The following AGPS variants were observed in gnomAD, a reference collection of about 807,000 sequenced individuals.
AGPS encodes the protein alkyldihydroxyacetonephosphate synthase, peroxisomal.
AGPS carries 26 observed loss-of-function variants against 90.7 expected under a neutral mutation model. The observed-to-expected ratio is 0.29, with a 90% CI of 0.21 to 0.40. The LOEUF is 0.40. Among genes scored for constraint, AGPS ranks in the 10% least tolerant of loss-of-function variants. The pLI is 1.00. For synonymous variants in AGPS, 294 were observed against 285.3 expected, an observed-to-expected ratio of 1.03 and a Z score of -0.31; for missense variants, 540 against 816.1, an observed-to-expected ratio of 0.66 and a Z score of 4.12.
chr2:177,520,884 T>C (rs1559082553), intron 17 of AGPS, among the ~76,000 whole-genome samples: 1 of 152,206 alleles, frequency 6.6e-6, no homozygotes, highest in African/African-American at 2.4e-5. Context: ...TACTTCTAGA[T>C]AACAAAACAA....
intron 11 of AGPS, among the ~76,000 whole-genome samples, chr2:177,492,222 T>C (rs1688283207): frequency 6.6e-6 from 1 of 152,230 alleles, no homozygotes; most frequent in South Asian, 2.1e-4. Context: ...TTAAAATGTT[T>C]TTGTTATGAA....
At chr2:177,493,058 T>A in intron 11 of AGPS, 90 bp from the exon 12 acceptor site, 1 of 1,222,586 alleles carries the variant, frequency 8.2e-7, no homozygotes, top group Non-Finnish European at 1.2e-6. Context: ...TCTTGATCTC[T>A]TAAATATAGA....
At chr2:177,407,737 G>A (rs1206353176) in intron 1 of AGPS, among the ~76,000 whole-genome samples, 2 of 151,208 alleles carry the variant, frequency 1.3e-5, no homozygotes, top group Non-Finnish European at 2.9e-5. Context: ...AGCACAGCAA[G>A]AAGTAGGAGG....
chr2:177,528,764 G>A (rs2079111402), intron 19 of AGPS, among the ~76,000 whole-genome samples: 1 of 151,670 alleles, frequency 6.6e-6, no homozygotes. Context: ...TTAAATGAGT[G>A]GATAAGTGCA....
rs138474699 is a variant in AGPS at position 177,429,002 on chromosome 2, T to A, written c.351-5325T>A. ...TACATAGTCCCACATTTCTCAGAGG[T>A]TTTGTTCATTTCTTTTCATTCTTTT... On this transcript the variant is annotated intron_variant, in intron 2 of 19. Coordinates refer to ENST00000264167, the MANE Select transcript of AGPS (RefSeq NM_003659.4). Among the ~76,000 whole-genome samples, 37 of 151,724 alleles carry A rather than the reference T, an allele frequency of 2.4e-4. 2 individuals are homozygous for A. The East Asian group carries it at 7.0e-3, about 29-fold the overall frequency.
chr2:177,513,695 C>T (rs1688946667), intron 16 of AGPS, 124 bp from the exon 17 acceptor site: 3 of 710,912 alleles, frequency 4.2e-6, no homozygotes, highest in Non-Finnish European at 7.3e-6. Flanking sequence ...CTTGAAAGGA[C>T]AACTATGAAA....
chr2:177,473,830 G>C (rs1303755632), intron 10 of AGPS, among the ~76,000 whole-genome samples: 1 of 152,196 alleles, frequency 6.6e-6, no homozygotes, highest in East Asian at 1.9e-4. Flanking sequence ...AGAATTCCTA[G>C]CTGGCTTGTT....
intron 16 of AGPS, among the ~76,000 whole-genome samples, chr2:177,508,292 T>C (rs1378411444): frequency 1.3e-5 from 2 of 152,194 alleles, no homozygotes; most frequent in Non-Finnish European, 2.9e-5. Context: ...AAGAATGTTA[T>C]TGAATGCTCA....
intron 11 of AGPS, among the ~76,000 whole-genome samples, chr2:177,491,022 A>G (rs1360285254): frequency 6.6e-6 from 1 of 151,546 alleles, no homozygotes; most frequent in Non-Finnish European, 1.5e-5. Flanking sequence ...CGGCTGGGTA[A>G]TACTGTATTT....
chr2:177,392,970 C>T lies in AGPS; in HGVS notation c.181C>T (p.Arg61Trp), dbSNP rs1326235470. Reference protein sequence around the residue: ...EALSTNECKARRAASAATAAP... With the variant: ...EALSTNECKAWRAASAATAAP... Reference sequence around the variant, plus strand: ...TCTGAGTACCAATGAGTGCAAAGCGCGGAGAGCCGCGTCGGCGGCCACGGC... The same window carrying T: ...TCTGAGTACCAATGAGTGCAAAGCGTGGAGAGCCGCGTCGGCGGCCACGGC... Residue 61 changes from arginine (R) to tryptophan (W), a missense_variant, in exon 1 of 20, where the codon CGG becomes TGG. Arg to Trp is a moderately radical substitution (Grantham distance 101). Transcript: ENST00000264167. The T allele has an allele frequency of 2.6e-6, 4 of 1,549,876 alleles. No homozygotes were observed. Among genetic ancestry groups the T allele is most frequent in the East Asian group, 2.4e-5 (1 of 40,880 alleles).
intron 17 of AGPS, 106 bp downstream of exon 17, chr2:177,514,014 A>G: frequency 1.2e-6 from 1 of 839,106 alleles, no homozygotes; most frequent in South Asian, 1.5e-5. Context: ...TCAGTCTATT[A>G]CATTTGGCCA....
chr2:177,489,443 G>T (rs561837061), intron 11 of AGPS, among the ~76,000 whole-genome samples: 1 of 152,006 alleles, frequency 6.6e-6, no homozygotes, highest in South Asian at 2.1e-4. Flanking sequence ...TTAAGTTAGT[G>T]CAGAGAGTAC....
At chr2:177,513,939 T>C (rs760497772) in intron 17 of AGPS, 31 bp downstream of exon 17, 8 of 1,515,604 alleles carry the variant, frequency 5.3e-6, no homozygotes, top group Non-Finnish European at 7.3e-6. Flanking sequence ...TTATACTTCT[T>C]ATTCTGAAAA....
At position 177,458,990 on chromosome 2, in the gene AGPS, G is replaced by A. The variant is rs188256809; in HGVS notation, c.871-2903G>A. Among the ~76,000 whole-genome samples, 65 of 152,230 alleles carry A rather than the reference G, an allele frequency of 4.3e-4. 1 individual carries two copies. The East Asian group carries it at 0.013, about 29-fold the overall frequency. On this transcript the variant is annotated intron_variant, in intron 8 of 19. Coordinates refer to ENST00000264167, the MANE Select transcript of AGPS (RefSeq NM_003659.4). ...ACCAAAACAGATGTATAGGCCAATG[G>A]AAAAGAACGGAGGCCTCAGAAATAA...
chr2:177,435,023 A>ATATATATATATATATG (rs912295185), intron 3 of AGPS, among the ~76,000 whole-genome samples: 1 of 147,012 alleles, frequency 6.8e-6, no homozygotes, highest in African/African-American at 2.5e-5. Context: ...ATATATATAT[A>ATATATATATATATATG]TGTATGAAAC....
At chr2:177,491,202 C>G (rs1028148468) in intron 11 of AGPS, among the ~76,000 whole-genome samples, 1 of 151,842 alleles carries the variant, frequency 6.6e-6, no homozygotes. Context: ...AGCACCGTCT[C>G]CTAAAGACGG....
chr2:177,535,259 C>T (rs147026999), intron 19 of AGPS, among the ~76,000 whole-genome samples: 7 of 152,284 alleles, frequency 4.6e-5, no homozygotes, highest in African/African-American at 1.2e-4. Flanking sequence ...TAGTTTTAGG[C>T]CACCTGTTAT....
At chr2:177,425,725 ATC>A (rs1185486063) in intron 2 of AGPS, among the ~76,000 whole-genome samples, 1 of 147,142 alleles carries the variant, frequency 6.8e-6, no homozygotes, top group Non-Finnish European at 1.5e-5. Flanking sequence ...TATTTCTGGG[ATC>A]TCTATTCTTT....
chr2:177,436,286 G>A (rs1322796130), intron 3 of AGPS, among the ~76,000 whole-genome samples: 2 of 151,472 alleles, frequency 1.3e-5, no homozygotes, highest in African/African-American at 2.4e-5. Flanking sequence ...CAAGTAGCTG[G>A]GACTACAGGC....
Sources: allele counts gnomAD v4.1 joint callset (sites outside exome capture counted in the v4.1 genomes callset), GRCh38; gene constraint gnomAD v4.1.1; transcripts MANE v1.5; gene names NCBI Gene and HGNC (gene_info 2026-07-23, HGNC 2026-07-21).